The following TSPAN18 variants were observed in gnomAD, a reference collection of about 807,000 sequenced individuals.
The protein encoded by TSPAN18 is tetraspanin-18.
TSPAN18 carries 14 observed loss-of-function variants against 27.3 expected under a neutral mutation model. That is an observed-to-expected ratio of 0.51 (90% CI 0.34 to 0.80). TSPAN18 has a LOEUF of 0.80. Ranked by LOEUF, TSPAN18 falls within the 30% of genes least tolerant of loss-of-function variation. The probability of loss-of-function intolerance (pLI) is 0.01; values close to 1 mark genes in which losing one functional copy is unlikely to be tolerated. For synonymous variants in TSPAN18, 143 were observed against 136.5 expected, an observed-to-expected ratio of 1.05 and a Z score of -0.33; for missense variants, 268 against 323.9, an observed-to-expected ratio of 0.83 and a Z score of 1.32.
rs1364661121 is a variant in TSPAN18 at position 44,929,893 on chromosome 11, G to A, written c.*715G>A. 6.6e-6 allele frequency: 1 copy of A among 152,470 alleles called. No homozygotes were observed. Among genetic ancestry groups the A allele is most frequent in the Non-Finnish European group, 1.5e-5 (1 of 68,248 alleles). 9.4% of individuals were successfully genotyped at this position (152,470 alleles called of 1,614,324 possible). A position where few individuals can be genotyped will look rare whatever the true frequency, so the allele number is the denominator to read the frequency against. On this transcript the variant is annotated 3_prime_UTR_variant, in exon 10 of 10. Coordinates refer to ENST00000520358, the MANE Select transcript of TSPAN18 (RefSeq NM_130783.5). ...CTCCAGGCTGCTGTCACTGCATCCA[G>A]GACTCTGTCAGCTCTGCTGCCCACA... is the stretch of plus-strand genomic sequence containing the variant.
At chr11:44,816,538 C>A (rs1856821856) in intron 2 of TSPAN18, among the ~76,000 whole-genome samples, 1 of 151,602 alleles carries the variant, frequency 6.6e-6, no homozygotes, top group Non-Finnish European at 1.5e-5. Flanking sequence ...CTCCCAGCAA[C>A]CCTGGGAGAG....
chr11:44,736,331 A>T (rs1854793327), intron 1 of TSPAN18: 1 of 152,256 alleles, frequency 6.6e-6, no homozygotes, highest in Non-Finnish European at 1.5e-5. Flanking sequence ...AACCAGTTGG[A>T]GCTACAATGT....
intron 3 of TSPAN18, among the ~76,000 whole-genome samples, chr11:44,872,898 A>T (rs951345055): frequency 1.7e-4 from 26 of 152,176 alleles, no homozygotes; most frequent in African/African-American, 6.3e-4. Flanking sequence ...TTCAGAGGAG[A>T]TAGATCCATG....
At chr11:44,833,478 A>G (rs1857197017) in intron 2 of TSPAN18, among the ~76,000 whole-genome samples, 1 of 152,140 alleles carries the variant, frequency 6.6e-6, no homozygotes, top group African/African-American at 2.4e-5. Context: ...TCCAGGCTTC[A>G]TTCCTCCTTC....
At chr11:44,767,314 G>C (rs113943791) in intron 2 of TSPAN18, among the ~76,000 whole-genome samples, 2,792 of 152,256 alleles carry the variant, frequency 0.018, 85 homozygotes, top group African/African-American at 0.064. Flanking sequence ...ACCCCAGAAG[G>C]CGAGCATTAA....
At chr11:44,859,927 G>A (rs764458275) in intron 2 of TSPAN18, among the ~76,000 whole-genome samples, 32 of 152,196 alleles carry the variant, frequency 2.1e-4, no homozygotes, top group Non-Finnish European at 3.4e-4. Context: ...ATTTTCACAC[G>A]AGGAAGAAAC....
At chr11:44,905,755 G>A (rs1310832693) in intron 3 of TSPAN18, among the ~76,000 whole-genome samples, 2 of 152,214 alleles carry the variant, frequency 1.3e-5, no homozygotes, top group Non-Finnish European at 2.9e-5. Context: ...GACAGGAAGG[G>A]CTCCCAGGGA....
intron 8 of TSPAN18, among the ~76,000 whole-genome samples, chr11:44,920,240 G>A (rs1454699741): frequency 1.3e-5 from 2 of 152,328 alleles, no homozygotes; most frequent in African/African-American, 2.4e-5. Flanking sequence ...CCGCTGGAGT[G>A]GGCATTCAGG....
intron 2 of TSPAN18, among the ~76,000 whole-genome samples, chr11:44,852,028 T>C (rs942699583): frequency 2.0e-5 from 3 of 152,210 alleles, no homozygotes; most frequent in Admixed American, 6.5e-5. Context: ...TAGTGAGTTA[T>C]ACAGTAGGCA....
chr11:44,896,231 A>T (rs919597210), intron 3 of TSPAN18, among the ~76,000 whole-genome samples: 1 of 152,058 alleles, frequency 6.6e-6, no homozygotes, highest in African/African-American at 2.4e-5. Flanking sequence ...TATTGTGAGG[A>T]TTCATTGTGA....
chr11:44,906,264 A>G, intron 3 of TSPAN18, 143 bp from the exon 4 acceptor site: 1 of 777,606 alleles, frequency 1.3e-6, no homozygotes, highest in Non-Finnish European at 2.2e-6. Flanking sequence ...TGGCTCCAGC[A>G]TGCTCATCTC....
Position 44,919,200 on chromosome 11 carries a change from C to A in TSPAN18, c.334-14C>A. The A allele has an allele frequency of 1.2e-6, 2 of 1,611,766 alleles. No individual in the cohort carries two copies. Among genetic ancestry groups the A allele is most frequent in the Non-Finnish European group, 1.7e-6 (2 of 1,177,966 alleles). ...ACTGCCAGGCCTAAGCCCATCTTCT[C>A]CCTCTGCCCCCAGCTCACCCGAGAA... On this transcript the variant is annotated splice_polypyrimidine_tract_variant and intron_variant, in intron 6 of 9. Coordinates refer to ENST00000520358, the MANE Select transcript of TSPAN18 (RefSeq NM_130783.5).
chr11:44,800,371 G>A (rs4755291), intron 2 of TSPAN18, among the ~76,000 whole-genome samples: 80,284 of 151,978 alleles, frequency 0.53, 21,929 homozygotes, highest in East Asian at 0.93. Flanking sequence ...CGGATCTGGG[G>A]TTGGAGCCTC....
At chr11:44,775,622 C>A (rs1319499912) in intron 2 of TSPAN18, among the ~76,000 whole-genome samples, 1 of 152,100 alleles carries the variant, frequency 6.6e-6, no homozygotes, top group African/African-American at 2.4e-5. Flanking sequence ...TACATTTGCA[C>A]TCCTCTTGGG....
chr11:44,735,723 TCTC>T (rs1447582764), intron 1 of TSPAN18, among the ~76,000 whole-genome samples: 1 of 151,838 alleles, frequency 6.6e-6, no homozygotes, highest in Non-Finnish European at 1.5e-5. Flanking sequence ...TTCATACCAT[TCTC>T]CTGCCTCAGC....
chr11:44,919,367 C>A, intron 7 of TSPAN18, 55 bp downstream of exon 7: 1 of 1,430,542 alleles, frequency 7.0e-7, no homozygotes, highest in South Asian at 1.1e-5. Context: ...GCCCAGTGTT[C>A]ACATGCCCAC....
At chr11:44,787,897 A>C (rs1240818717) in intron 2 of TSPAN18, among the ~76,000 whole-genome samples, 2 of 147,458 alleles carry the variant, frequency 1.4e-5, no homozygotes, top group Non-Finnish European at 2.9e-5. Context: ...GTTTGCCTTA[A>C]AGCCCCTCGT....
At chr11:44,843,812 A>G (rs986542732) in intron 2 of TSPAN18, among the ~76,000 whole-genome samples, 1 of 152,278 alleles carries the variant, frequency 6.6e-6, no homozygotes, top group Non-Finnish European at 1.5e-5. Flanking sequence ...CCAGCTCACC[A>G]GCAGTCAGAG....
chr11:44,867,113 C>A (rs1248162098), intron 3 of TSPAN18, among the ~76,000 whole-genome samples: 1 of 152,276 alleles, frequency 6.6e-6, no homozygotes, highest in Non-Finnish European at 1.5e-5. Flanking sequence ...ACATGATCCT[C>A]AGACCAGCAT....
Sources: gnomAD v4.1 joint callset for allele counts (sites outside exome capture counted in the v4.1 genomes callset) on GRCh38, gnomAD v4.1.1 for gene constraint, MANE v1.5 for transcripts, NCBI Gene and HGNC (gene_info 2026-07-23, HGNC 2026-07-21) for gene names.